Variants in SPATA7 observed in about 807,000 individuals in gnomAD.
SPATA7 encodes spermatogenesis associated 7.
SPATA7 carries 43 observed loss-of-function variants against 51.8 expected under a neutral mutation model. The ratio of observed to expected loss-of-function variants is 0.83; its 90% CI spans 0.65 to 1.07. The LOEUF is 1.07. Ranked by LOEUF, SPATA7 falls within the 50% of genes least tolerant of loss-of-function variation. SPATA7 has a pLI of 0.00. For missense variants in SPATA7, 683 were observed against 701.3 expected, an observed-to-expected ratio of 0.97 and a Z score of 0.30; for synonymous variants, 230 against 252.8, an observed-to-expected ratio of 0.91 and a Z score of 0.86.
At chr14:88,439,803 G>A (rs2140033971), downstream of SPATA7, among the ~76,000 whole-genome samples, 1 of 152,168 alleles carries the variant, frequency 6.6e-6, no homozygotes, top group East Asian at 1.9e-4. Context: ...AGCACAATAT[G>A]GTGGGACTGA....
Position 88,437,985 on chromosome 14 carries a change from G to T in SPATA7, c.1363G>T (p.Glu455Ter). 1 of 1,613,990 alleles carries T rather than the reference G, an allele frequency of 6.2e-7. No homozygotes were observed. The highest frequency in any genetic ancestry group is 8.5e-7 in the Non-Finnish European group (1 of 1,179,964). The change falls in exon 12 of 12, where the codon GAA becomes TAA. Residue 455 changes from glutamate (E) to a stop codon, truncating the protein, a stop_gained. Coordinates refer to ENST00000393545, the MANE Select transcript of SPATA7 (RefSeq NM_018418.5). LOFTEE classifies it low-confidence loss of function (END_TRUNC). ...GNSEPNELKN[E>*]SEVTIQQERQ... Reference sequence around the variant, plus strand: ...TTCAGAACCAAATGAATTAAAAAATGAAAGTGAAGTAACAATTCAGCAGGA... The same window carrying T: ...TTCAGAACCAAATGAATTAAAAAATTAAAGTGAAGTAACAATTCAGCAGGA...
At chr14:88,447,873 T>C (rs549115516) in intron 3 of SPATA7, among the ~76,000 whole-genome samples, 16 of 152,300 alleles carry the variant, frequency 1.1e-4, no homozygotes, top group African/African-American at 3.1e-4. Context: ...CTGATGGGTT[T>C]CCCTTTGAGG....
chr14:88,429,312 A>G, intron 7 of SPATA7, 36 bp from the exon 8 acceptor site: 2 of 1,253,854 alleles, frequency 1.6e-6, no homozygotes, highest in Non-Finnish European at 1.2e-6. Context: ...ATGTATTTTT[A>G]AGCAAAAATA....
intron 8 of SPATA7, 93 bp from the exon 9 acceptor site, chr14:88,431,079 G>A (rs547174837): frequency 2.0e-4 from 219 of 1,100,320 alleles, no homozygotes; most frequent in Non-Finnish European, 2.9e-4. Context: ...CTAAGATAAG[G>A]GCTATTCAGT....
chr14:88,419,422 T>C (rs2139971635), intron 5 of SPATA7, among the ~76,000 whole-genome samples: 1 of 152,064 alleles, frequency 6.6e-6, no homozygotes, highest in East Asian at 1.9e-4. Flanking sequence ...CATTTTCCAT[T>C]TTTTGATCTT....
chr14:88,437,653 G>C, intron 11 of SPATA7, 56 bp downstream of exon 11: 1 of 1,465,436 alleles, frequency 6.8e-7, no homozygotes, highest in Non-Finnish European at 9.4e-7. Context: ...ATAATTGTAT[G>C]GTTTTTTTCA....
downstream of SPATA7, among the ~76,000 whole-genome samples, chr14:88,438,783 C>T (rs565912353): frequency 7.9e-5 from 12 of 152,370 alleles, no homozygotes; most frequent in African/African-American, 2.6e-4. Context: ...CTATAGTTCT[C>T]TGCCACTTGG....
downstream of SPATA7, among the ~76,000 whole-genome samples, chr14:88,457,620 T>C (rs374196786): frequency 5.9e-5 from 9 of 152,294 alleles, no homozygotes; most frequent in South Asian, 1.0e-3. Flanking sequence ...CTTAAGGAGA[T>C]TTTGGGCTGA....
Position 88,452,396 on chromosome 14 carries a change from C to T in SPATA7, c.178-2664C>T, listed in dbSNP as rs578078335. Among the ~76,000 whole-genome samples the T allele has an allele frequency of 5.3e-5, 8 of 152,274 alleles. No homozygotes were observed. In the South Asian group the frequency reaches 1.0e-3, roughly 20 times the overall value. ...TTAAGTGTACTACTGGTTTTGTGTT[C>T]GTTGGCCTCCAGCCAGGAGGTGGCG... On this transcript the variant is annotated intron_variant, in intron 3 of 3. Transcript: ENST00000554802.
At chr14:88,417,266 T>G (rs2076506179) in intron 5 of SPATA7, among the ~76,000 whole-genome samples, 3 of 150,416 alleles carry the variant, frequency 2.0e-5, no homozygotes. Context: ...CTTGGAATGA[T>G]GATATTATGA....
intron 4 of SPATA7, among the ~76,000 whole-genome samples, chr14:88,405,939 T>G (rs557951512): frequency 6.6e-6 from 1 of 152,336 alleles, no homozygotes; most frequent in South Asian, 2.1e-4. Context: ...TTTTCTGCTT[T>G]TAGTCAATTA....
At chr14:88,467,658 A>G (rs2077385656) in intron 4 of SPATA7, 1 of 152,704 alleles carries the variant, frequency 6.5e-6, no homozygotes, top group Admixed American at 6.5e-5. Flanking sequence ...TTAAATACAA[A>G]GTTATATAGG....
intron 1 of SPATA7, among the ~76,000 whole-genome samples, chr14:88,389,039 A>G (rs2075662415): frequency 6.6e-6 from 1 of 152,196 alleles, no homozygotes; most frequent in African/African-American, 2.4e-5. Context: ...TTGCTGCAAT[A>G]TATTACCTAA....
chr14:88,445,071 T>G (rs2077202331), intron 3 of SPATA7, among the ~76,000 whole-genome samples: 1 of 152,036 alleles, frequency 6.6e-6, no homozygotes, highest in Admixed American at 6.6e-5. Context: ...TAAATTACCT[T>G]GGGCAGTATG....
chr14:88,462,507 G>A (rs1457378127), intron 4 of SPATA7, among the ~76,000 whole-genome samples: 1 of 152,182 alleles, frequency 6.6e-6, no homozygotes, highest in Non-Finnish European at 1.5e-5. Flanking sequence ...GTGAATTTAA[G>A]TTACACACGC....
downstream of SPATA7, among the ~76,000 whole-genome samples, chr14:88,456,245 G>T (rs1045270281): frequency 6.6e-6 from 1 of 152,154 alleles, no homozygotes; most frequent in Non-Finnish European, 1.5e-5. Context: ...ACCCAGTAAT[G>T]GGGTGGCTGG....
At chr14:88,389,291 G>C (rs920710730) in intron 1 of SPATA7, among the ~76,000 whole-genome samples, 1 of 151,470 alleles carries the variant, frequency 6.6e-6, no homozygotes, top group Non-Finnish European at 1.5e-5. Flanking sequence ...GTGCATTGCA[G>C]CCTCCTGGGC....
intron 1 of SPATA7, among the ~76,000 whole-genome samples, chr14:88,387,943 T>G (rs2075627613): frequency 6.6e-6 from 1 of 151,964 alleles, no homozygotes; most frequent in African/African-American, 2.4e-5. Flanking sequence ...GAAAAAAAAT[T>G]TTTTCCCAGC....
At chr14:88,389,914 G>A (rs2075694113) in intron 1 of SPATA7, among the ~76,000 whole-genome samples, 1 of 152,162 alleles carries the variant, frequency 6.6e-6, no homozygotes. Context: ...TATCTTCTTG[G>A]TCTGTTTCAC....
Sources: allele counts gnomAD v4.1 joint callset (sites outside exome capture counted in the v4.1 genomes callset), GRCh38; gene constraint gnomAD v4.1.1; transcripts MANE v1.5; gene names NCBI Gene and HGNC (gene_info 2026-07-23, HGNC 2026-07-21).